SPATA6L: variants seen among roughly 807,000 people sequenced by gnomAD.
SPATA6L encodes spermatogenesis associated 6-like protein.
SPATA6L carries 68 observed loss-of-function variants against 49.2 expected under a neutral mutation model. The ratio of observed to expected loss-of-function variants is 1.38; its 90% CI spans 1.14 to 1.69. The LOEUF (loss-of-function observed/expected upper bound fraction) is 1.69. SPATA6L is among the 40% of genes most tolerant of loss of function. The pLI, the probability that SPATA6L is intolerant of heterozygous loss-of-function variation, is 0.00. For synonymous variants in SPATA6L, 198 were observed against 165.7 expected, an observed-to-expected ratio of 1.19 and a Z score of -1.50; for missense variants, 668 against 464.3, an observed-to-expected ratio of 1.44 and a Z score of -4.03.
At chr9:4,624,534 C>T (rs1245351397) in intron 6 of SPATA6L, among the ~76,000 whole-genome samples, 1 of 152,040 alleles carries the variant, frequency 6.6e-6, no homozygotes, top group Non-Finnish European at 1.5e-5. Flanking sequence ...TCGAGACCAG[C>T]CTGACCAACA....
chr9:4,610,623 T>G lies in SPATA6L; in HGVS notation c.996-5183A>C, dbSNP rs1402825835. Reference sequence around the variant, plus strand: ...AGAAAGCTGAAACTGGATCCCTTCCTTACACCTTATACAAAAATCAATTCC... The same window carrying G: ...AGAAAGCTGAAACTGGATCCCTTCCGTACACCTTATACAAAAATCAATTCC... On this transcript the variant is annotated intron_variant, in intron 9 of 11. Transcript: ENST00000682582. Among the ~76,000 whole-genome samples the G allele has an allele frequency of 2.6e-5, 4 of 151,812 alleles. No individual in the cohort carries two copies. The East Asian group carries it at 7.7e-4, about 29-fold the overall frequency.
At chr9:4,597,682 T>C (rs753668119), downstream of SPATA6L, among the ~76,000 whole-genome samples, 19 of 152,102 alleles carry the variant, frequency 1.2e-4, no homozygotes, top group Non-Finnish European at 2.4e-4. Context: ...GAGCAAAGGG[T>C]TGGGGCTCTC....
intron 9 of SPATA6L, among the ~76,000 whole-genome samples, chr9:4,609,760 ACT>A (rs1414903267): frequency 6.6e-6 from 1 of 151,010 alleles, no homozygotes; most frequent in Non-Finnish European, 1.5e-5. Flanking sequence ...CTCTCTCACC[ACT>A]CCTATTCAAC....
At chr9:4,633,681 G>C (rs1832140938) in intron 4 of SPATA6L, 1 of 153,036 alleles carries the variant, frequency 6.5e-6, no homozygotes, top group African/African-American at 2.4e-5. Flanking sequence ...AAAGAATGAA[G>C]GAGACCAAAG....
At chr9:4,663,236 C>T (rs1472677104) in intron 1 of SPATA6L, 12 of 1,613,738 alleles carry the variant, frequency 7.4e-6, no homozygotes, top group Non-Finnish European at 1.0e-5. Flanking sequence ...ATGCTCCGGT[C>T]CTCTTTTTAC....
chr9:4,637,629 C>T (rs1833068738), intron 3 of SPATA6L, among the ~76,000 whole-genome samples: 1 of 152,136 alleles, frequency 6.6e-6, no homozygotes, highest in Non-Finnish European at 1.5e-5. Flanking sequence ...CAACAAGCCC[C>T]CTGAAATATC....
rs1267582828 is a variant in SPATA6L, at chr9:4,662,439, A to AGCAGCCCCG, written c.40-412_40-404dup. 4.5e-6 allele frequency: 7 copies of AGCAGCCCCG among 1,544,836 alleles called. No individual in the cohort carries two copies. Among genetic ancestry groups the AGCAGCCCCG allele is most frequent in the African/African-American group, 2.7e-5 (2 of 73,158 alleles). On this transcript the variant is annotated intron_variant, in intron 1 of 11. Coordinates refer to ENST00000682582, the MANE Select transcript of SPATA6L (RefSeq NM_001353486.2). This position sits in a 1 kb window ranked among gnomAD's most constrained non-coding sequence, Gnocchi z 4.9. ...GGGCGTCTCCGCTTCGAGCAGCAGC[A>AGCAGCCCCG]GCAGCCCCGGCAGCCCAGCCCATGG...
downstream of SPATA6L, among the ~76,000 whole-genome samples, chr9:4,593,787 C>T (rs958158233): frequency 6.6e-6 from 1 of 152,158 alleles, no homozygotes; most frequent in Non-Finnish European, 1.5e-5. Context: ...CCAGATTCTG[C>T]CCCGCCTGAC....
Position 4,622,443 on chromosome 9 carries a change from G to C in SPATA6L, c.737C>G (p.Ser246Cys). The C allele has an allele frequency of 6.2e-7, 1 of 1,613,876 alleles. No homozygotes were observed. The highest frequency in any genetic ancestry group is 8.5e-7 in the Non-Finnish European group (1 of 1,179,866). The change falls in exon 7 of 12, where the codon TCT (serine) becomes TGT (cysteine). Residue 246 changes from serine to cysteine, a missense_variant. By Grantham distance (112) the Ser-to-Cys change is moderately radical (BLOSUM62 -1). Transcript: ENST00000682582. The part of the protein sequence containing the change: ...EHHLRRSRRK[S>C]KFSDFPFPTR... Reference sequence around the variant, plus strand: ...TGGAAACGGAAAGTCTGAAAACTTAGATTTTCTTCTAGACCTCCTCAAATG... The same window carrying C: ...TGGAAACGGAAAGTCTGAAAACTTACATTTTCTTCTAGACCTCCTCAAATG...
intron 7 of SPATA6L, among the ~76,000 whole-genome samples, chr9:4,621,399 C>G (rs1247068467): frequency 6.6e-6 from 1 of 152,154 alleles, no homozygotes; most frequent in Admixed American, 6.5e-5. Flanking sequence ...TGTTTCATTC[C>G]CATTCTCTCA....
chr9:4,632,171 C>A (rs1386501856), intron 4 of SPATA6L, among the ~76,000 whole-genome samples: 2 of 151,486 alleles, frequency 1.3e-5, no homozygotes, highest in African/African-American at 2.4e-5. Context: ...AGGTGTGCAC[C>A]ACCATGCTCA....
intron 13 of SPATA6L, among the ~76,000 whole-genome samples, chr9:4,593,037 T>C (rs1822009578): frequency 6.6e-6 from 1 of 152,232 alleles, no homozygotes; most frequent in Non-Finnish European, 1.5e-5. Flanking sequence ...TTAACACTTC[T>C]ATTAGGCAGG....
intron 10 of SPATA6L, among the ~76,000 whole-genome samples, chr9:4,604,727 T>G (rs1189478790): frequency 6.6e-6 from 1 of 152,218 alleles, no homozygotes; most frequent in Admixed American, 6.5e-5. Context: ...TCAAGAGGAC[T>G]AATTCAACTA....
Position 4,599,044 on chromosome 9 carries a change from T to C in SPATA6L, c.*1767A>G, listed in dbSNP as rs1229280749. 6.6e-6 allele frequency among the ~76,000 whole-genome samples: 1 copy of C among 152,254 alleles called. No individual in the cohort carries two copies. The highest frequency in any genetic ancestry group is 2.4e-5 in the African/African-American group (1 of 41,470). On this transcript the variant is annotated 3_prime_UTR_variant, in exon 12 of 12. Transcript: ENST00000682582. ...AATGAAGTATCTTCAGGATAGGGGA[T>C]AGGACCCAAGTCTAAACACGAAATT...
At chr9:4,603,717 G>T (rs1329447582) in intron 11 of SPATA6L, among the ~76,000 whole-genome samples, 1 of 152,160 alleles carries the variant, frequency 6.6e-6, no homozygotes, top group Admixed American at 6.6e-5. Flanking sequence ...AAGAAATTGT[G>T]TCATAATTTA....
chr9:4,621,023 A>C (rs1829174806), intron 7 of SPATA6L, among the ~76,000 whole-genome samples: 1 of 152,224 alleles, frequency 6.6e-6, no homozygotes, highest in Non-Finnish European at 1.5e-5. Flanking sequence ...ACACTGGCTT[A>C]AGTTTCCATA....
intron 3 of SPATA6L, among the ~76,000 whole-genome samples, chr9:4,648,954 G>C (rs775010430): frequency 6.6e-6 from 1 of 151,848 alleles, no homozygotes; most frequent in East Asian, 1.9e-4. Flanking sequence ...GAGTTACTTC[G>C]CTTAGAATAA....
chr9:4,594,378 T>G (rs984029351), downstream of SPATA6L, among the ~76,000 whole-genome samples: 5 of 152,034 alleles, frequency 3.3e-5, no homozygotes, highest in Non-Finnish European at 7.4e-5. Context: ...CCTGGCTAAC[T>G]TTTTTTGTAT....
chr9:4,644,106 G>A (rs968124123), intron 3 of SPATA6L, among the ~76,000 whole-genome samples: 6 of 143,670 alleles, frequency 4.2e-5, no homozygotes, highest in Non-Finnish European at 9.0e-5. Flanking sequence ...CAGCACTTTG[G>A]GTGGCCAAGG....
Sources: gnomAD v4.1 joint callset for allele counts (sites outside exome capture counted in the v4.1 genomes callset) on GRCh38, gnomAD v4.1.1 for gene constraint, Gnocchi (gnomAD v3.1) non-coding constraint, MANE v1.5 for transcripts, NCBI Gene and HGNC (gene_info 2026-07-23, HGNC 2026-07-21) for gene names.